COG5: variants seen among roughly 807,000 people sequenced by gnomAD.
COG5 encodes the protein component of oligomeric golgi complex 5, also known as conserved oligomeric Golgi complex subunit 5.
In COG5, 86 loss-of-function variants were observed where a neutral mutation model predicts 110.4. That is an observed-to-expected ratio of 0.78 (90% CI 0.65 to 0.93). The LOEUF is 0.93. COG5 is among the 40% of genes least tolerant of loss of function. The pLI is 0.00. For missense variants in COG5, 1,077 were observed against 987.0 expected (o/e 1.09, Z -1.22); for synonymous variants, 360 against 334.6 (o/e 1.08, Z -0.83).
At chr7:107,438,889 T>G (rs1794533392) in intron 6 of COG5, among the ~76,000 whole-genome samples, 1 of 152,202 alleles carries the variant, frequency 6.6e-6, no homozygotes, top group Non-Finnish European at 1.5e-5. Context: ...AGGCATTGTT[T>G]TCTCCTTTAT....
At chr7:107,445,065 C>G (rs150003909) in intron 6 of COG5, among the ~76,000 whole-genome samples, 46 of 152,084 alleles carry the variant, frequency 3.0e-4, no homozygotes, top group African/African-American at 1.1e-3. Flanking sequence ...GTCCCAGCAA[C>G]TTGGAAAGCT....
At chr7:107,302,720 G>A (rs1157840494) in intron 11 of COG5, among the ~76,000 whole-genome samples, 1 of 152,080 alleles carries the variant, frequency 6.6e-6, no homozygotes, top group Admixed American at 6.6e-5. Flanking sequence ...GAGAGATATG[G>A]TAACATCATC....
intron 2 of COG5, among the ~76,000 whole-genome samples, chr7:107,554,938 T>G (rs928737294): frequency 6.6e-6 from 1 of 152,170 alleles, no homozygotes; most frequent in Non-Finnish European, 1.5e-5. Flanking sequence ...GATGTACAAG[T>G]GGAGTTGTGC....
chr7:107,498,888 T>A (rs1798449211), intron 6 of COG5, among the ~76,000 whole-genome samples: 1 of 152,106 alleles, frequency 6.6e-6, no homozygotes, highest in Non-Finnish European at 1.5e-5. Context: ...AATACAGAAA[T>A]AACCTAAATG....
intron 21 of COG5, chr7:107,210,160 T>C (rs1799060683): frequency 9.0e-7 from 1 of 1,109,012 alleles, no homozygotes; most frequent in African/African-American, 1.6e-5. Flanking sequence ...CTCACATCTG[T>C]GTTCCACCAA....
At chr7:107,229,537 T>C (rs1019389042) in intron 19 of COG5, among the ~76,000 whole-genome samples, 1 of 152,178 alleles carries the variant, frequency 6.6e-6, no homozygotes, top group Non-Finnish European at 1.5e-5. Context: ...ATGAATAACA[T>C]CTCCTTATCT....
At chr7:107,361,982 T>C (rs747421158) in intron 10 of COG5, 51 bp downstream of exon 10, 7 of 1,245,484 alleles carry the variant, frequency 5.6e-6, no homozygotes, top group South Asian at 2.6e-5. Flanking sequence ...CTGACTCATA[T>C]ATTCCTGTTT....
intron 6 of COG5, among the ~76,000 whole-genome samples, chr7:107,507,765 T>G (rs552455449): frequency 4.4e-4 from 67 of 152,312 alleles, no homozygotes; most frequent in African/African-American, 1.6e-3. Context: ...CTATAAGTAT[T>G]GTTTTATCAG....
At chr7:107,455,883 T>A (rs534021416) in intron 6 of COG5, among the ~76,000 whole-genome samples, 4 of 151,366 alleles carry the variant, frequency 2.6e-5, no homozygotes, top group Non-Finnish European at 5.9e-5. Context: ...AACCTCTGCC[T>A]CCCGCGTTCA....
intron 7 of COG5, among the ~76,000 whole-genome samples, chr7:107,403,171 A>G (rs1791562365): frequency 6.6e-6 from 1 of 152,218 alleles, no homozygotes; most frequent in Non-Finnish European, 1.5e-5. Flanking sequence ...AAGAAATTAC[A>G]CTAACTTTCT....
At chr7:107,420,655 G>T (rs1322283341) in intron 6 of COG5, among the ~76,000 whole-genome samples, 1 of 152,146 alleles carries the variant, frequency 6.6e-6, no homozygotes, top group East Asian at 1.9e-4. Context: ...TAGATATGGG[G>T]TTTCACCATG....
At chr7:107,260,406 A>G (rs1803239142) in intron 14 of COG5, among the ~76,000 whole-genome samples, 2 of 152,140 alleles carry the variant, frequency 1.3e-5, no homozygotes, top group South Asian at 4.1e-4. Flanking sequence ...TGGAAATTGC[A>G]GTGGGGCAGT....
intron 10 of COG5, among the ~76,000 whole-genome samples, chr7:107,329,569 A>T (rs974220350): frequency 2.0e-5 from 3 of 152,116 alleles, no homozygotes; most frequent in Non-Finnish European, 2.9e-5. Context: ...AAAAAGATAG[A>T]ATGTTAATTT....
chr7:107,359,089 G>A (rs1007478845), intron 10 of COG5, among the ~76,000 whole-genome samples: 5 of 152,142 alleles, frequency 3.3e-5, no homozygotes, highest in Non-Finnish European at 5.9e-5. Context: ...GGAGGGGTGG[G>A]ACCCTGCCCT....
rs1329561099 is a variant in COG5 at position 107,211,166 on chromosome 7, A to C, written c.2228T>G (p.Ile743Ser). The change falls in exon 20 of 22, where the codon ATT becomes AGT. Residue 743 changes from isoleucine to serine, a missense_variant. Coordinates refer to ENST00000297135, the MANE Select transcript of COG5 (RefSeq NM_006348.5). ...VASSPALGDV[I>S]PFSIIIQFLF... is the part of the protein sequence containing the mutation. ...AAACTGAATAATGATGCTGAACGGA[A>C]TCACATCCCCCAATGCAGGACTACT... The C allele has an allele frequency of 6.2e-7, 1 of 1,614,116 alleles. No homozygotes were observed. The highest frequency in any genetic ancestry group is 8.5e-7 in the Non-Finnish European group (1 of 1,179,952).
chr7:107,210,001 G>T, intron 21 of COG5: 1 of 994,916 alleles, frequency 1.0e-6, no homozygotes, highest in Middle Eastern at 5.2e-4. Flanking sequence ...GTACATGGGG[G>T]TGTGTGCACG....
intron 20 of COG5, 32 bp downstream of exon 20, chr7:107,211,067 C>A (rs189995949): frequency 1.9e-6 from 3 of 1,612,816 alleles, no homozygotes; most frequent in Non-Finnish European, 8.5e-7. Flanking sequence ...GGAAGAGTCA[C>A]AAAAGGGTTC....
intron 5 of COG5, among the ~76,000 whole-genome samples, chr7:107,546,219 A>AAAAAC: frequency 6.6e-6 from 1 of 152,352 alleles, no homozygotes; most frequent in East Asian, 1.9e-4. Context: ...CAGCAAAAGC[A>AAAAAC]GTTCTAAGAC....
intron 19 of COG5, among the ~76,000 whole-genome samples, chr7:107,229,002 ACT>A (rs1382357719): frequency 6.6e-6 from 1 of 151,720 alleles, no homozygotes; most frequent in Non-Finnish European, 1.5e-5. Flanking sequence ...GCATACCTGT[ACT>A]CTGTTATCTT....
Sources: gnomAD v4.1 joint callset for allele counts (sites outside exome capture counted in the v4.1 genomes callset) on GRCh38, gnomAD v4.1.1 for gene constraint, MANE v1.5 for transcripts, NCBI Gene and HGNC (gene_info 2026-07-23, HGNC 2026-07-21) for gene names.